P4HA3: variants seen among roughly 807,000 people sequenced by gnomAD.
The protein encoded by P4HA3 is prolyl 4-hydroxylase subunit alpha 3, also known as prolyl 4-hydroxylase subunit alpha-3.
A neutral mutation model predicts 66.7 loss-of-function variants in P4HA3; 60 were observed. That is an observed-to-expected ratio of 0.90 (90% CI 0.73 to 1.12). P4HA3 has a LOEUF of 1.12. P4HA3 is among the 50% of genes most tolerant of loss of function. The pLI is 0.00. For missense variants in P4HA3, 683 were observed against 685.8 expected (o/e 1.00, Z 0.05); for synonymous variants, 263 against 274.6 (o/e 0.96, Z 0.42).
In P4HA3 at chr11:74,267,041, A is replaced by G. The variant is rs749129040; in HGVS notation, c.*207T>C. On this transcript the variant is annotated 3_prime_UTR_variant, in exon 13 of 13. Coordinates refer to ENST00000331597, the MANE Select transcript of P4HA3 (RefSeq NM_182904.5). ...CCTTTGTACTGTGCATCCTACTCTG[A>G]CTTCCGTGGCTGGGGCAGATCAAAT... The G allele has an allele frequency of 2.5e-5, 38 of 1,535,254 alleles. No individual in the cohort carries two copies. In the East Asian group the frequency reaches 8.1e-4, roughly 33 times the overall value.
chr11:74,298,028 T>C (rs536978577), intron 4 of P4HA3, among the ~76,000 whole-genome samples, 184 bp downstream of exon 4: 1 of 152,352 alleles, frequency 6.6e-6, no homozygotes, highest in African/African-American at 2.4e-5. Flanking sequence ...AATAGTCTTT[T>C]GGAGATTCAG....
intron 15 of P4HA3, among the ~76,000 whole-genome samples, chr11:74,252,769 G>A (rs184310493): frequency 4.5e-4 from 68 of 152,192 alleles, no homozygotes; most frequent in African/African-American, 1.6e-3. Flanking sequence ...CCCTCTATTG[G>A]TCTAGAGGAA....
intron 15 of P4HA3, among the ~76,000 whole-genome samples, chr11:74,257,571 G>C (rs536674473): frequency 6.6e-6 from 1 of 152,176 alleles, no homozygotes; most frequent in Non-Finnish European, 1.5e-5. Flanking sequence ...AGTATGGGCC[G>C]AGATAGGAGA....
At chr11:74,291,750 C>T (rs1367900825) in intron 4 of P4HA3, among the ~76,000 whole-genome samples, 7 of 152,110 alleles carry the variant, frequency 4.6e-5, no homozygotes, top group Admixed American at 2.6e-4. Context: ...ATTACATTTA[C>T]TGATTTGCAT....
At chr11:74,272,937 G>A (rs76404962) in intron 10 of P4HA3, among the ~76,000 whole-genome samples, 2,072 of 152,300 alleles carry the variant, frequency 0.014, 22 homozygotes, top group Middle Eastern at 0.044. Flanking sequence ...GACTGGGGCC[G>A]AATCCTGATC....
intron 9 of P4HA3, among the ~76,000 whole-genome samples, chr11:74,274,751 T>C (rs921040730): frequency 6.6e-6 from 1 of 152,206 alleles, no homozygotes; most frequent in African/African-American, 2.4e-5. Flanking sequence ...CTTAAACTTT[T>C]TAAGAAACCA....
chr11:74,305,234 G>A (rs530311444), intron 1 of P4HA3, among the ~76,000 whole-genome samples: 1 of 152,186 alleles, frequency 6.6e-6, no homozygotes, highest in Admixed American at 6.5e-5. Context: ...GAGTTAGAAG[G>A]GGGAAGGAAA....
intron 12 of P4HA3, among the ~76,000 whole-genome samples, 173 bp downstream of exon 12, chr11:74,267,972 T>C (rs988355214): frequency 6.6e-6 from 1 of 152,210 alleles, no homozygotes; most frequent in Non-Finnish European, 1.5e-5. Flanking sequence ...CTGCCTGTTA[T>C]AGGCTCCCAG....
rs190631361 is a variant in P4HA3 at position 74,295,039 on chromosome 11, T to C, written c.717+3173A>G. 7.5e-4 allele frequency among the ~76,000 whole-genome samples: 114 copies of C among 152,296 alleles called. 2 individuals are homozygous for C. In the East Asian group the frequency reaches 0.019, roughly 26 times the overall value. On this transcript the variant is annotated intron_variant, in intron 4 of 12. Coordinates refer to ENST00000331597, the MANE Select transcript of P4HA3 (RefSeq NM_182904.5). Reference sequence around the variant, plus strand: ...CGCTGGGAGCTGTAGACCGGAGCTGTTCCTATTCGGCCATCTTGGCTCCTC... The same window carrying C: ...CGCTGGGAGCTGTAGACCGGAGCTGCTCCTATTCGGCCATCTTGGCTCCTC...
rs1222602404 is a variant in P4HA3 at position 74,285,935 on chromosome 11, G to A, written c.984C>T (p.Ser328=). The A allele has an allele frequency of 6.2e-7, 1 of 1,611,362 alleles. No individual in the cohort carries two copies. Among genetic ancestry groups the A allele is most frequent in the African/African-American group, 1.3e-5 (1 of 74,832 alleles). The change falls in exon 7 of 13, where the codon TCC becomes TCT. Residue 328 remains serine, a synonymous_variant. Transcript: ENST00000331597. ...PSLYCSYETN[S]NAYLLLQPIR... is the part of the protein sequence containing the mutation. ...TGGGCTGGAGCAGCAGGTAGGCGTT[G>A]GAATTGGTCTCATAGGAACAGTAGA... is the stretch of plus-strand genomic sequence containing the variant.
chr11:74,295,420 C>T (rs570013546), intron 4 of P4HA3, among the ~76,000 whole-genome samples: 37 of 152,002 alleles, frequency 2.4e-4, no homozygotes, highest in Non-Finnish European at 4.3e-4. Flanking sequence ...CTGGGTGCTG[C>T]CAAATGATGA....
intron 9 of P4HA3, among the ~76,000 whole-genome samples, chr11:74,273,824 T>C (rs1371635487): frequency 6.6e-6 from 1 of 151,218 alleles, no homozygotes; most frequent in East Asian, 1.9e-4. Flanking sequence ...ATAAAAGAAT[T>C]GTCTACTACC....
chr11:74,302,291 TA>T, intron 3 of P4HA3, 77 bp downstream of exon 3: 1 of 1,297,070 alleles, frequency 7.7e-7, no homozygotes, highest in Non-Finnish European at 1.1e-6. Context: ...TAAAAAGAAG[TA>T]AAATCAATCG....
chr11:74,267,469 A>G, intron 12 of P4HA3, 151 bp from the exon 13 acceptor site: 1 of 909,992 alleles, frequency 1.1e-6, no homozygotes, highest in Non-Finnish European at 1.6e-6. Flanking sequence ...TCCTGGCCTC[A>G]CTATGGACTA....
intron 7 of P4HA3, among the ~76,000 whole-genome samples, chr11:74,284,929 G>A (rs1462828933): frequency 3.9e-5 from 6 of 152,292 alleles, no homozygotes. Context: ...CTCAGTTGAA[G>A]CCCTGCACCT....
At chr11:74,299,773 G>A (rs1055003595) in intron 3 of P4HA3, among the ~76,000 whole-genome samples, 5 of 152,072 alleles carry the variant, frequency 3.3e-5, no homozygotes, top group Admixed American at 6.6e-5. Flanking sequence ...CCTAGGATGG[G>A]GGTGGGTGTT....
At chr11:74,274,004 T>C (rs1005019609) in intron 9 of P4HA3, among the ~76,000 whole-genome samples, 18 of 150,550 alleles carry the variant, frequency 1.2e-4, no homozygotes, top group African/African-American at 7.3e-5. Context: ...GACATACTCT[T>C]TTTTTTTTGT....
intron 4 of P4HA3, among the ~76,000 whole-genome samples, chr11:74,295,047 C>T (rs180925845): frequency 2.2e-4 from 34 of 152,270 alleles, no homozygotes; most frequent in African/African-American, 5.3e-4. Flanking sequence ...TGTTCCTATT[C>T]GGCCATCTTG....
At chr11:74,288,122 A>G (rs974375993) in intron 5 of P4HA3, among the ~76,000 whole-genome samples, 2 of 152,226 alleles carry the variant, frequency 1.3e-5, no homozygotes, top group African/African-American at 4.8e-5. Context: ...GCTATCTACC[A>G]CTAAAATGTT....
Sources: gnomAD v4.1 joint callset for allele counts (sites outside exome capture counted in the v4.1 genomes callset) on GRCh38, gnomAD v4.1.1 for gene constraint, MANE v1.5 for transcripts, NCBI Gene and HGNC (gene_info 2026-07-23, HGNC 2026-07-21) for gene names.